The following WWP1 variants were observed in gnomAD, a reference collection of about 807,000 sequenced individuals.
WWP1 encodes NEDD4-like E3 ubiquitin-protein ligase WWP1.
Under a neutral mutation model 130.6 loss-of-function variants are expected in WWP1, and 49 were observed. The ratio of observed to expected loss-of-function variants is 0.38; its 90% CI spans 0.30 to 0.48. The LOEUF is 0.48. Among genes scored for constraint, WWP1 ranks in the 20% least tolerant of loss-of-function variants. WWP1 has a pLI of 0.99. For synonymous variants in WWP1, 332 were observed against 367.8 expected (o/e 0.90, Z 1.11); for missense variants, 809 against 1,100.6 (o/e 0.74, Z 3.75).
intron 21 of WWP1, among the ~76,000 whole-genome samples, chr8:86,457,123 G>T (rs1160433111): frequency 6.6e-6 from 1 of 151,696 alleles, no homozygotes; most frequent in Non-Finnish European, 1.5e-5. Context: ...GCATTTTATT[G>T]TATGTAAATT....
chr8:86,358,771 G>A (rs1032415813), intron 1 of WWP1, among the ~76,000 whole-genome samples: 9 of 152,002 alleles, frequency 5.9e-5, no homozygotes, highest in African/African-American at 2.2e-4. Context: ...GGCCTCCCAA[G>A]GTGCTAGGAT....
At chr8:86,462,240 C>T (rs752245986) in intron 24 of WWP1, among the ~76,000 whole-genome samples, 4 of 152,044 alleles carry the variant, frequency 2.6e-5, no homozygotes, top group African/African-American at 4.8e-5. Flanking sequence ...CTAACGGGAA[C>T]CTACTTTGGG....
rs550340899 is a variant in WWP1, at chr8:86,442,681, C to T, written c.1901C>T (p.Ala634Val). The part of the protein sequence containing the change: ...LNPMYCLFEY[A>V]GKNNYCLQIN... Reference sequence around the variant, plus strand: ...CCAATGTATTGCTTATTTGAGTATGCGGGCAAGAACAACTATTGTCTGCAG... The same window carrying T: ...CCAATGTATTGCTTATTTGAGTATGTGGGCAAGAACAACTATTGTCTGCAG... Residue 634 changes from alanine (A) to valine (V), a missense_variant, in exon 18 of 25, where the codon GCG becomes GTG. This residue lies in a region of WWP1 where 450 missense variants were observed against 674.2 expected (regional missense o/e 0.67). Transcript: ENST00000517970. The T allele has an allele frequency of 1.2e-5, 20 of 1,611,432 alleles. No individual in the cohort carries two copies. Among genetic ancestry groups the T allele is most frequent in the East Asian group, 8.9e-5 (4 of 44,808 alleles).
chr8:86,352,998 G>A (rs925733501), intron 1 of WWP1, among the ~76,000 whole-genome samples: 3 of 152,140 alleles, frequency 2.0e-5, no homozygotes, highest in African/African-American at 7.2e-5. Flanking sequence ...TAGTCTGATT[G>A]CTTTTCACTT....
At chr8:86,437,562 C>T (rs1810358252) in intron 16 of WWP1, among the ~76,000 whole-genome samples, 1 of 152,024 alleles carries the variant, frequency 6.6e-6, no homozygotes, top group Non-Finnish European at 1.5e-5. Flanking sequence ...TGTCATTAAC[C>T]CAAAATAGAA....
rs1482225682 is a variant in WWP1, at chr8:86,411,559, T to A, written c.746T>A (p.Phe249Tyr). The part of the protein sequence containing the change: ...DDTVNGESSS[F>Y]APTDNASVTG... Reference sequence around the variant, plus strand: ...TCAGTTAATGGAGAATCATCCTCATTTGCACCAACTGATAATGCGTCTGTC... The same window carrying A: ...TCAGTTAATGGAGAATCATCCTCATATGCACCAACTGATAATGCGTCTGTC... The change falls in exon 9 of 25, where the codon TTT becomes TAT. Residue 249 changes from phenylalanine to tyrosine, a missense_variant. Transcript: ENST00000517970. The A allele has an allele frequency of 3.7e-6, 6 of 1,613,226 alleles. No individual in the cohort carries two copies. Among genetic ancestry groups the A allele is most frequent in the Non-Finnish European group, 5.1e-6 (6 of 1,179,426 alleles).
intron 3 of WWP1, 80 bp downstream of exon 3, chr8:86,374,200 G>A: frequency 8.4e-7 from 1 of 1,196,526 alleles, no homozygotes; most frequent in Non-Finnish European, 1.2e-6. Context: ...ACTTATTCCA[G>A]AAATAGAATT....
chr8:86,373,403 G>A (rs1318819485), intron 2 of WWP1, among the ~76,000 whole-genome samples: 1 of 151,872 alleles, frequency 6.6e-6, no homozygotes, highest in Non-Finnish European at 1.5e-5. Flanking sequence ...GATTAATTGG[G>A]ATGTGTTGAA....
Position 86,467,398 on chromosome 8 carries a change from A to G in WWP1, c.*505A>G, listed in dbSNP as rs1360342509. On this transcript the variant is annotated 3_prime_UTR_variant, in exon 25 of 25. Coordinates refer to ENST00000517970, the MANE Select transcript of WWP1 (RefSeq NM_007013.4). ...GCCAAATCTTACTTTGAGTATGTTA[A>G]AAAAAAAAAAATGCTGCTGGCTTTT... is the stretch of plus-strand genomic sequence containing the variant. 6.8e-6 allele frequency: 1 copy of G among 147,812 alleles called. No homozygotes were observed. Among genetic ancestry groups the G allele is most frequent in the African/African-American group, 2.5e-5 (1 of 40,702 alleles). The allele number at this position is 147,812 out of a possible 1,614,324, so 9.2% of individuals were successfully genotyped here. A position where few individuals can be genotyped will look rare whatever the true frequency, so the allele number is the denominator to read the frequency against.
intron 2 of WWP1, among the ~76,000 whole-genome samples, chr8:86,371,173 A>G (rs909195428): frequency 2.0e-5 from 3 of 151,630 alleles, no homozygotes; most frequent in Non-Finnish European, 4.4e-5. Context: ...CTGGAATTAC[A>G]GGCATGAGCC....
At position 86,467,457 on chromosome 8, in the gene WWP1, TTAAA is replaced by T. The variant is rs1311522353; in HGVS notation, c.*571_*574del. The T allele has an allele frequency of 6.5e-6, 1 of 152,730 alleles. No individual in the cohort carries two copies. Among genetic ancestry groups the T allele is most frequent in the East Asian group, 1.9e-4 (1 of 5,194 alleles). 9.5% of individuals were successfully genotyped at this position (152,730 alleles called of 1,614,324 possible). ...AGGTGCTTGAACTTGTCAGTTTGTTTTAAATAAATACAATAGTTGAAAATTTTTC... is the reference window on the plus strand; with the variant it reads ...AGGTGCTTGAACTTGTCAGTTTGTTTTAAATACAATAGTTGAAAATTTTTC... On this transcript the variant is annotated 3_prime_UTR_variant, in exon 25 of 25. Transcript: ENST00000517970.
chr8:86,442,789 G>T lies in WWP1; in HGVS notation c.1998+11G>T, dbSNP rs373564079. On this transcript the variant is annotated intron_variant, in intron 18 of 24. Coordinates refer to ENST00000517970, the MANE Select transcript of WWP1 (RefSeq NM_007013.4). ...CGTTTTATTGCCATGGTGAGTTCCT[G>T]ACTTTATTATTATTTATTTAAGTTT... 7 of 1,580,326 alleles carry T rather than the reference G, an allele frequency of 4.4e-6. No homozygotes were observed. The African/African-American group carries it at 6.9e-5, about 16-fold the overall frequency.
At chr8:86,460,954 C>G (rs551792733) in intron 22 of WWP1, among the ~76,000 whole-genome samples, 1 of 151,356 alleles carries the variant, frequency 6.6e-6, no homozygotes, top group South Asian at 2.1e-4. Context: ...GGACTACAGG[C>G]GCCCGACACC....
intron 1 of WWP1, 50 bp downstream of exon 1, chr8:86,342,980 G>T (rs1304260825): frequency 2.3e-5 from 7 of 307,446 alleles, no homozygotes. Context: ...CAGGGCGGGA[G>T]GGGGCACGGG....
In WWP1 at chr8:86,452,617, G is replaced by A; in HGVS notation, c.2332G>A (p.Asp778Asn). 6.2e-7 allele frequency: 1 copy of A among 1,613,368 alleles called. No homozygotes were observed. Among genetic ancestry groups the A allele is most frequent in the Non-Finnish European group, 8.5e-7 (1 of 1,179,612 alleles). ...GVQEQTKAFL[D>N]GFNEVVPLQW... Reference sequence around the variant, plus strand: ...ACAAGAACAGACCAAAGCTTTCCTTGATGGTTTTAATGAAGTTGTTCCTCT... The same window carrying A: ...ACAAGAACAGACCAAAGCTTTCCTTAATGGTTTTAATGAAGTTGTTCCTCT... Residue 778 changes from aspartate to asparagine, a missense_variant, in exon 21 of 25, where the codon GAT (aspartate) becomes AAT (asparagine). By Grantham distance (23) the Asp-to-Asn change is conservative. Transcript: ENST00000517970.
intron 1 of WWP1, among the ~76,000 whole-genome samples, chr8:86,347,681 T>C (rs1425454631): frequency 2.6e-5 from 4 of 152,246 alleles, no homozygotes; most frequent in African/African-American, 9.6e-5. Flanking sequence ...TGATTTCTTA[T>C]CTGGAAAAGT....
intron 1 of WWP1, 41 bp downstream of exon 1, chr8:86,342,971 A>C (rs867841511): frequency 3.1e-4 from 36 of 116,240 alleles, no homozygotes; most frequent in Middle Eastern, 8.5e-3. Flanking sequence ...GCGAATGGGC[A>C]GGGCGGGAGG....
intron 1 of WWP1, among the ~76,000 whole-genome samples, chr8:86,358,480 GTT>G (rs11292432): frequency 0.21 from 4,706 of 22,866 alleles, 243 homozygotes; most frequent in African/African-American, 0.43. Context: ...TTATTGAGGA[GTT>G]TTTTTTTTTT....
At chr8:86,389,135 CAT>C (rs984106150) in intron 5 of WWP1, among the ~76,000 whole-genome samples, 4 of 150,640 alleles carry the variant, frequency 2.7e-5, no homozygotes, top group South Asian at 2.1e-4. Context: ...ACATACAAAA[CAT>C]ATAAAGAATA....
Sources: allele counts gnomAD v4.1 joint callset (sites outside exome capture counted in the v4.1 genomes callset), GRCh38; gene constraint gnomAD v4.1.1; regional missense constraint gnomAD v4.1.1; transcripts MANE v1.5; gene names NCBI Gene and HGNC (gene_info 2026-07-23, HGNC 2026-07-21).